The following SP140 variants were observed in gnomAD, a reference collection of about 807,000 sequenced individuals.
SP140 encodes the protein nuclear body protein SP140.
Under a neutral mutation model 125.0 loss-of-function variants are expected in SP140, and 81 were observed. The ratio of observed to expected loss-of-function variants is 0.65; its 90% CI spans 0.54 to 0.78. The LOEUF (loss-of-function observed/expected upper bound fraction) is 0.78, where lower values mean the gene tolerates loss of function less well. SP140 is among the 30% of genes least tolerant of loss of function. SP140 has a pLI of 0.00. For synonymous variants in SP140, 312 were observed against 354.0 expected (o/e 0.88, Z 1.33); for missense variants, 858 against 1,037.0 (o/e 0.83, Z 2.37).
chr2:230,224,807 A>G (rs1309579854), upstream of SP140, among the ~76,000 whole-genome samples: 1 of 152,092 alleles, frequency 6.6e-6, no homozygotes, highest in Non-Finnish European at 1.5e-5. Context: ...CTGGCCCTGG[A>G]TTCTACCCAT....
chr2:230,288,202 T>C, intron 18 of SP140: 1 of 419,622 alleles, frequency 2.4e-6, no homozygotes, highest in Non-Finnish European at 4.3e-6. Context: ...AGTGCTACTT[T>C]CACTGAAATG....
Position 230,312,589 on chromosome 2 carries a change from A to C in SP140, c.2509A>C (p.Lys837Gln). Residue 837 changes from lysine to glutamine, a missense_variant, in exon 27 of 27, where the codon AAG (lysine) becomes CAG (glutamine). Transcript: ENST00000392045. ...TTTGTCTTTATTATTTTTTCAGTAC[A>C]AGGATTTTGGCCAAATGGGATTTAG... Reference protein sequence around the residue: ...FQNHRASYKYKDFGQMGFRLE... With the variant: ...FQNHRASYKYQDFGQMGFRLE... 6.2e-7 allele frequency: 1 copy of C among 1,605,046 alleles called. No individual in the cohort carries two copies. The highest frequency in any genetic ancestry group is 8.5e-7 in the Non-Finnish European group (1 of 1,173,016).
chr2:230,214,813 A>G, intron 3 of SP140: 1 of 737,364 alleles, frequency 1.4e-6, no homozygotes. Context: ...CAGCTGTACC[A>G]ATGAGAGAAT....
chr2:230,234,899 G>A (rs2047752256), intron 1 of SP140: 1 of 151,802 alleles, frequency 6.6e-6, no homozygotes, highest in Non-Finnish European at 1.5e-5. Flanking sequence ...GTAATTTTTT[G>A]CCTTTTGCTT....
At chr2:230,233,895 G>C (rs1352434489) in intron 1 of SP140, among the ~76,000 whole-genome samples, 1 of 152,174 alleles carries the variant, frequency 6.6e-6, no homozygotes, top group Non-Finnish European at 1.5e-5. Context: ...GAAAGATAAA[G>C]GGAAAATAAT....
At chr2:230,215,487 G>T (rs1025925289) in intron 3 of SP140, among the ~76,000 whole-genome samples, 5 of 152,184 alleles carry the variant, frequency 3.3e-5, no homozygotes, top group Admixed American at 6.5e-5. Context: ...TTCAGCAATG[G>T]TTCTAGTGAT....
the SP140 span, among the ~76,000 whole-genome samples, chr2:230,191,058 T>C: frequency 6.6e-6 from 1 of 152,214 alleles, no homozygotes; most frequent in Non-Finnish European, 1.5e-5. Context: ...CGATTCCATA[T>C]GAAATTTAAA....
chr2:230,287,785 A>T (rs1171099256), intron 17 of SP140, 107 bp from the exon 18 acceptor site: 15 of 931,878 alleles, frequency 1.6e-5, no homozygotes, highest in Non-Finnish European at 2.2e-5. Flanking sequence ...TTTATACATT[A>T]AACAGGCTTT....
At chr2:230,186,596 G>A in the SP140 span, among the ~76,000 whole-genome samples, 1 of 152,120 alleles carries the variant, frequency 6.6e-6, no homozygotes, top group Non-Finnish European at 1.5e-5. Flanking sequence ...AGACTTTAGT[G>A]CACTCTTCGT....
At chr2:230,231,827 C>T (rs762150049) in intron 1 of SP140, among the ~76,000 whole-genome samples, 1 of 152,144 alleles carries the variant, frequency 6.6e-6, no homozygotes, top group Non-Finnish European at 1.5e-5. Context: ...CTGCCTCTGC[C>T]TCCTGAGTAG....
rs372668291 is a variant in SP140 at position 230,245,071 on chromosome 2, G to A, written c.655G>A (p.Gly219Ser). 2 of 1,609,200 alleles carry A rather than the reference G, an allele frequency of 1.2e-6. No homozygotes were observed. The highest frequency in any genetic ancestry group is 1.7e-6 in the Non-Finnish European group (2 of 1,176,000). Residue 219 changes from glycine to serine, a missense_variant, in exon 6 of 27, where the codon GGT becomes AGT. Around this residue, in one of 4 missense-constraint regions of SP140, gnomAD observed 791 missense variants for 869.5 expected, o/e 0.91. Coordinates refer to ENST00000392045, the MANE Select transcript of SP140 (RefSeq NM_007237.5). The stretch of plus-strand genomic sequence containing the variant: ...TGAAGATGCACCCAGCCTACTACCA[G>A]GTGGGGGAGGTAATTATGATTTAAA... ...DAEDAPSLLP[G>S]GGVSCKLAIQ...
chr2:230,251,159 C>T, intron 10 of SP140, 98 bp downstream of exon 10: 3 of 974,610 alleles, frequency 3.1e-6, no homozygotes, highest in Admixed American at 2.2e-5. Flanking sequence ...AAGTATACTT[C>T]ACAGTGAAAG....
chr2:230,308,738 C>A (rs1301412452), intron 22 of SP140, among the ~76,000 whole-genome samples: 1 of 152,202 alleles, frequency 6.6e-6, no homozygotes, highest in South Asian at 2.1e-4. Context: ...AAGGTGCAAG[C>A]GGTCCTCTTG....
rs1352331061 is a variant in SP140, at chr2:230,243,676, G to C, written c.491-55G>C. 8 of 1,362,046 alleles carry C rather than the reference G, an allele frequency of 5.9e-6. No homozygotes were observed. In the Admixed American group the frequency reaches 8.9e-5, roughly 15 times the overall value. 84.4% of individuals were successfully genotyped at this position (1,362,046 alleles called of 1,614,324 possible). A position where few individuals can be genotyped will look rare whatever the true frequency, so the allele number is the denominator to read the frequency against. On this transcript the variant is annotated intron_variant, in intron 4 of 26. Coordinates refer to ENST00000392045, the MANE Select transcript of SP140 (RefSeq NM_007237.5). ...TTCTCATTATTTGTTTTCTTGTTTT[G>C]ATGGCTTTTTGACCATAAATCAAGA...
chr2:230,276,301 T>C (rs1307025068), intron 15 of SP140, among the ~76,000 whole-genome samples: 2 of 152,172 alleles, frequency 1.3e-5, no homozygotes, highest in African/African-American at 2.4e-5. Context: ...TGACTTTCCC[T>C]TGAAGCCAAT....
In SP140 at chr2:230,241,415, C is replaced by A; in HGVS notation, c.418C>A (p.His140Asn). ...YRSFQNVCYEHSPLQMNNVND... is the reference protein window; with the variant it reads ...YRSFQNVCYENSPLQMNNVND... ...ATTGTTTTCCTCAGTATGCTATGAA[C>A]ACTCACCTCTCCAAATGAATAATGT... Residue 140 changes from histidine (H) to asparagine (N), a missense_variant, in exon 4 of 27, where the codon CAC becomes AAC. Transcript: ENST00000392045. 1 of 1,592,258 alleles carries A rather than the reference C, an allele frequency of 6.3e-7. No individual in the cohort carries two copies. Among genetic ancestry groups the A allele is most frequent in the Non-Finnish European group, 8.6e-7 (1 of 1,160,180 alleles).
At chr2:230,244,290 T>A (rs2149163470) in intron 5 of SP140, among the ~76,000 whole-genome samples, 1 of 152,364 alleles carries the variant, frequency 6.6e-6, no homozygotes, top group South Asian at 2.1e-4. Flanking sequence ...ATGGATAAAC[T>A]TTTGCTTATT....
rs887348650 is a variant in SP140, at chr2:230,243,763, A to G, written c.523A>G (p.Ile175Val). The G allele has an allele frequency of 2.5e-6, 4 of 1,613,056 alleles. No homozygotes were observed. The highest frequency in any genetic ancestry group is 1.7e-5 in the Admixed American group (1 of 59,986). The change falls in exon 5 of 27, where the codon ATA becomes GTA. Residue 175 changes from isoleucine to valine, a missense_variant. Coordinates refer to ENST00000392045, the MANE Select transcript of SP140 (RefSeq NM_007237.5). The stretch of plus-strand genomic sequence containing the variant: ...CAATGCCTGTCATGAAATGGATGAT[A>G]TAGCAGTGCCTCAGGAAGCCTTGAG... The part of the protein sequence containing the change: ...NSNACHEMDD[I>V]AVPQEALSSS...
chr2:230,268,560 A>T (rs1446823338), intron 12 of SP140, among the ~76,000 whole-genome samples: 1 of 152,054 alleles, frequency 6.6e-6, no homozygotes, highest in Non-Finnish European at 1.5e-5. Flanking sequence ...AGGTAACAGT[A>T]GATGAAGTAG....
Sources: allele counts gnomAD v4.1 joint callset (sites outside exome capture counted in the v4.1 genomes callset), GRCh38; gene constraint gnomAD v4.1.1; regional missense constraint gnomAD v4.1.1; transcripts MANE v1.5; gene names NCBI Gene and HGNC (gene_info 2026-07-23, HGNC 2026-07-21).